Variants in LHFPL3 observed in about 807,000 individuals in gnomAD.
The protein encoded by LHFPL3 is LHFPL tetraspan subfamily member 3 protein.
In LHFPL3, 5 loss-of-function variants were observed where a neutral mutation model predicts 19.3. That is an observed-to-expected ratio of 0.26 (90% CI 0.14 to 0.54). The LOEUF is 0.54. Among genes scored for constraint, LHFPL3 ranks in the 20% least tolerant of loss-of-function variants. The pLI, the probability that LHFPL3 is intolerant of heterozygous loss-of-function variation, is 0.94. For synonymous variants in LHFPL3, 133 were observed against 126.2 expected (o/e 1.05, Z -0.36); for missense variants, 249 against 307.4 (o/e 0.81, Z 1.42).
At chr7:104,603,052 T>TTTTC (rs1223101438) in intron 1 of LHFPL3, among the ~76,000 whole-genome samples, 1 of 150,640 alleles carries the variant, frequency 6.6e-6, no homozygotes, top group Non-Finnish European at 1.5e-5. Flanking sequence ...GTTTTCTTTT[T>TTTTC]TTTCTTTCTT....
intron 1 of LHFPL3, among the ~76,000 whole-genome samples, chr7:104,339,245 T>A (rs1412260380): frequency 7.0e-6 from 1 of 141,996 alleles, no homozygotes; most frequent in Non-Finnish European, 1.5e-5. Flanking sequence ...CGAAACTCCG[T>A]CTCAAAAAAA....
intron 2 of LHFPL3, among the ~76,000 whole-genome samples, chr7:104,857,019 GA>G (rs1249756142): frequency 6.6e-6 from 1 of 152,208 alleles, no homozygotes; most frequent in Non-Finnish European, 1.5e-5. Flanking sequence ...GCATTTTTGT[GA>G]TTGTGCTGTA....
chr7:104,862,447 T>C (rs186546105), intron 2 of LHFPL3, among the ~76,000 whole-genome samples: 1 of 152,304 alleles, frequency 6.6e-6, no homozygotes, highest in African/African-American at 2.4e-5. Context: ...CCTTTGTATT[T>C]TTCAGATATG....
intron 2 of LHFPL3, among the ~76,000 whole-genome samples, chr7:104,808,262 T>C (rs1790403635): frequency 6.6e-6 from 1 of 152,216 alleles, no homozygotes; most frequent in Non-Finnish European, 1.5e-5. Flanking sequence ...ACTGTCACAC[T>C]CTTACTTTGT....
At chr7:104,902,344 G>A (rs182311919) in intron 2 of LHFPL3, among the ~76,000 whole-genome samples, 28 of 151,842 alleles carry the variant, frequency 1.8e-4, no homozygotes, top group African/African-American at 5.6e-4. Flanking sequence ...TGATTGTGCC[G>A]CTGTAGTCAA....
chr7:104,470,202 T>A, intron 1 of LHFPL3: 7 of 394,010 alleles, frequency 1.8e-5, no homozygotes, highest in Admixed American at 5.7e-5. Flanking sequence ...AAGCAAGAAA[T>A]GGAAAAAAAT....
chr7:104,539,964 A>G (rs1052055452), intron 1 of LHFPL3, among the ~76,000 whole-genome samples: 1 of 152,154 alleles, frequency 6.6e-6, no homozygotes, highest in Non-Finnish European at 1.5e-5. Flanking sequence ...CACGAAATGC[A>G]GAAGTCTGGA....
Position 104,328,794 on chromosome 7 carries a change from C to T in LHFPL3, c.15C>T (p.Ala5=), listed in dbSNP as rs756788236. Residue 5 remains alanine, a synonymous_variant, in exon 1 of 3, where the codon GCC becomes GCT. Transcript: ENST00000424859. The surrounding 1 kb of genome is among the most constrained non-coding windows in gnomAD (Gnocchi z 4.6). Reference sequence around the variant, plus strand: ...GGAGGGGGAGAATGCCCGGAGCCGCCGCCGCTGCCGCCGCCGCCGCCGCCG... The same window carrying T: ...GGAGGGGGAGAATGCCCGGAGCCGCTGCCGCTGCCGCCGCCGCCGCCGCCG... MPGA[A]AAAAAAAAAM... is the part of the protein sequence containing the mutation. 1 of 1,599,140 alleles carries T rather than the reference C, an allele frequency of 6.3e-7. No individual in the cohort carries two copies. Among genetic ancestry groups the T allele is most frequent in the South Asian group, 1.1e-5 (1 of 89,932 alleles).
intron 2 of LHFPL3, among the ~76,000 whole-genome samples, chr7:104,851,895 T>C (rs1302873551): frequency 6.6e-6 from 1 of 152,118 alleles, no homozygotes; most frequent in Non-Finnish European, 1.5e-5. Context: ...CTCAAGCCTC[T>C]ATTTTCAAAC....
At chr7:104,369,271 A>G (rs550373137) in intron 1 of LHFPL3, among the ~76,000 whole-genome samples, 26 of 152,326 alleles carry the variant, frequency 1.7e-4, no homozygotes, top group Middle Eastern at 3.4e-3. Context: ...TCTGCTTTAT[A>G]TCTCCACAAA....
chr7:104,417,907 G>A (rs1282302115), intron 1 of LHFPL3, among the ~76,000 whole-genome samples: 1 of 129,634 alleles, frequency 7.7e-6, no homozygotes. Flanking sequence ...TTTTGAGATG[G>A]GGTCTTGCTC....
chr7:104,822,142 G>T (rs554412722), intron 2 of LHFPL3, among the ~76,000 whole-genome samples: 1 of 152,246 alleles, frequency 6.6e-6, no homozygotes, highest in East Asian at 1.9e-4. Flanking sequence ...GAGACTAAGT[G>T]TTTGAAACCG....
chr7:104,425,548 T>C (rs1791829949), intron 1 of LHFPL3, among the ~76,000 whole-genome samples: 1 of 152,110 alleles, frequency 6.6e-6, no homozygotes, highest in Admixed American at 6.5e-5. Context: ...TATATATGTA[T>C]ATACAAAATT....
At chr7:104,898,381 AAGT>A (rs1371120390) in intron 2 of LHFPL3, among the ~76,000 whole-genome samples, 2 of 152,132 alleles carry the variant, frequency 1.3e-5, no homozygotes, top group Non-Finnish European at 2.9e-5. Context: ...ACTAGTCCTC[AAGT>A]AAGAGGACTG....
intron 1 of LHFPL3, among the ~76,000 whole-genome samples, chr7:104,392,053 T>C (rs1254476042): frequency 3.3e-5 from 5 of 152,238 alleles, no homozygotes; most frequent in Admixed American, 1.3e-4. Flanking sequence ...GAGGCTTTGC[T>C]GAAGTTGCTT....
At chr7:104,664,993 G>C (rs1792304190) in intron 1 of LHFPL3, among the ~76,000 whole-genome samples, 2 of 152,140 alleles carry the variant, frequency 1.3e-5, no homozygotes, top group Non-Finnish European at 2.9e-5. Context: ...CAACTATCTT[G>C]CTGGCCATAT....
chr7:104,408,915 A>G (rs56098289), intron 1 of LHFPL3, among the ~76,000 whole-genome samples: 9 of 125,334 alleles, frequency 7.2e-5, no homozygotes, highest in African/African-American at 2.8e-4. Flanking sequence ...CCCAGGCTGG[A>G]GTGCAATGGC....
At chr7:104,518,725 A>T (rs1370769115) in intron 1 of LHFPL3, among the ~76,000 whole-genome samples, 1 of 152,156 alleles carries the variant, frequency 6.6e-6, no homozygotes, top group Non-Finnish European at 1.5e-5. Context: ...TGGAGGTTGC[A>T]GTGAGCTGAG....
intron 1 of LHFPL3, among the ~76,000 whole-genome samples, chr7:104,347,806 C>T (rs1389621476): frequency 6.6e-6 from 1 of 151,880 alleles, no homozygotes; most frequent in East Asian, 1.9e-4. Context: ...GCAGGAGAAT[C>T]TCTTGAACCC....
Sources: allele counts gnomAD v4.1 joint callset (sites outside exome capture counted in the v4.1 genomes callset), GRCh38; gene constraint gnomAD v4.1.1; non-coding constraint Gnocchi (gnomAD v3.1); transcripts MANE v1.5; gene names NCBI Gene and HGNC (gene_info 2026-07-23, HGNC 2026-07-21).